Variants in CCDC88A observed in about 807,000 individuals in gnomAD.
CCDC88A encodes the protein girdin.
CCDC88A carries 54 observed loss-of-function variants against 234.3 expected under a neutral mutation model. The ratio of observed to expected loss-of-function variants is 0.23; its 90% confidence interval spans 0.19 to 0.29. CCDC88A has a LOEUF of 0.29. Ranked by LOEUF, CCDC88A falls within the 10% of genes least tolerant of loss-of-function variation. The pLI is 1.00. For missense variants in CCDC88A, 1,832 were observed against 2,123.4 expected, an observed-to-expected ratio of 0.86 and a Z score of 2.70; for synonymous variants, 753 against 737.8, an observed-to-expected ratio of 1.02 and a Z score of -0.33.
At chr2:55,392,776 C>T (rs1383711777) in intron 2 of CCDC88A, among the ~76,000 whole-genome samples, 1 of 152,182 alleles carries the variant, frequency 6.6e-6, no homozygotes, top group Non-Finnish European at 1.5e-5. Context: ...TGTGCCAACA[C>T]CATTTACTAA....
chr2:55,414,975 G>C (rs1681114170), intron 2 of CCDC88A, among the ~76,000 whole-genome samples: 1 of 151,132 alleles, frequency 6.6e-6, no homozygotes, highest in African/African-American at 2.4e-5. Flanking sequence ...CCTGAGGCAG[G>C]AGAATGGCGT....
At chr2:55,345,995 C>G (rs1043028383) in intron 10 of CCDC88A, 180 bp downstream of exon 10, 8 of 458,482 alleles carry the variant, frequency 1.7e-5, no homozygotes, top group Non-Finnish European at 3.1e-5. Context: ...ATCCATAGAT[C>G]CCTTTTGTAA....
In CCDC88A at chr2:55,317,319, C is replaced by T; in HGVS notation, c.3633G>A (p.Gln1211=). 6.5e-7 allele frequency: 1 copy of T among 1,529,298 alleles called. No individual in the cohort carries two copies. Among genetic ancestry groups the T allele is most frequent in the Non-Finnish European group, 8.8e-7 (1 of 1,134,570 alleles). 94.7% of individuals were successfully genotyped at this position (1,529,298 alleles called of 1,614,324 possible). A position where few individuals can be genotyped will look rare whatever the true frequency, so the allele number is the denominator to read the frequency against. Residue 1211 remains glutamine (Q), a synonymous_variant, in exon 21 of 33, where the codon CAG becomes CAA. Transcript: ENST00000436346. This position sits in a 1 kb window ranked among gnomAD's most constrained non-coding sequence, Gnocchi z 4.2. ...RYNQLLKQKG[Q]LEDLEKMLKV... ...TGAGCATTTTTTCCAAATCTTCCAA[C>T]TGTCCTTTCTGTTTTAATAACTGAT...
intron 30 of CCDC88A, 99 bp from the exon 31 acceptor site, chr2:55,296,155 T>C (rs1680000575): frequency 7.7e-7 from 1 of 1,299,012 alleles, no homozygotes; most frequent in African/African-American, 1.6e-5. Context: ...TGGTACCTCT[T>C]AATACTCCTT....
chr2:55,352,437 CACACAAAAAA>C (rs988695076), intron 8 of CCDC88A, among the ~76,000 whole-genome samples: 4 of 127,814 alleles, frequency 3.1e-5, no homozygotes, highest in African/African-American at 6.1e-5. Context: ...AAAAAAAAAA[CACACAAAAAA>C]ACACAAAAAA....
chr2:55,371,823 G>A (rs746773077), intron 5 of CCDC88A, among the ~76,000 whole-genome samples: 12 of 151,904 alleles, frequency 7.9e-5, no homozygotes, highest in Non-Finnish European at 1.2e-4. Context: ...TTTGACTTTC[G>A]CAAGTGTCCC....
At chr2:55,302,591 A>C (rs914218945) in intron 26 of CCDC88A, 2 of 161,056 alleles carry the variant, frequency 1.2e-5, no homozygotes, top group African/African-American at 4.8e-5. Flanking sequence ...GTGATTATGT[A>C]ACTACCCATG....
chr2:55,419,528 AC>A lies in CCDC88A; in HGVS notation c.-450del. 1.4e-4 allele frequency: 23 copies of A among 159,710 alleles called. No homozygotes were observed. The highest frequency in any genetic ancestry group is 6.9e-4 in the South Asian group (4 of 5,796). 9.9% of individuals were successfully genotyped at this position (159,710 alleles called of 1,614,324 possible). A position where few individuals can be genotyped will look rare whatever the true frequency, so the allele number is the denominator to read the frequency against. ...GTTAAGGATACCGAGGCGCCACCAG[AC>A]TCGACCTCGGCGTTCCGACCTCTAC... On this transcript the variant is annotated 5_prime_UTR_variant, in exon 1 of 33. Transcript: ENST00000436346.
At position 55,335,969 on chromosome 2, in the gene CCDC88A, T is replaced by A. The variant is rs991132014; in HGVS notation, c.1656+712A>T. Among the ~76,000 whole-genome samples, 5 of 152,116 alleles carry A rather than the reference T, an allele frequency of 3.3e-5. No individual in the cohort carries two copies. Among genetic ancestry groups the A allele is most frequent in the African/African-American group, 1.2e-4 (5 of 41,492 alleles). ...GCACTTCGGGAGGCTGAGGCAGGAA[T>A]ATCACTTCAGCTCAGGGGTTTGAGA... On this transcript the variant is annotated intron_variant, in intron 14 of 32. Coordinates refer to ENST00000436346, the MANE Select transcript of CCDC88A (RefSeq NM_001365480.1). This position sits in a 1 kb window ranked among gnomAD's most constrained non-coding sequence, Gnocchi z 4.5.
intron 2 of CCDC88A, among the ~76,000 whole-genome samples, chr2:55,392,783 C>T (rs930889695): frequency 6.6e-6 from 1 of 152,176 alleles, no homozygotes; most frequent in Non-Finnish European, 1.5e-5. Context: ...ACACCATTTA[C>T]TAACGAGCTT....
At position 55,335,662 on chromosome 2, in the gene CCDC88A, A is replaced by G. The variant is rs546189328; in HGVS notation, c.1657-498T>C. 6.6e-6 allele frequency among the ~76,000 whole-genome samples: 1 copy of G among 152,322 alleles called. No individual in the cohort carries two copies. The highest frequency in any genetic ancestry group is 2.4e-5 in the African/African-American group (1 of 41,574). ...ATTCCCAAAAAGAATTCTAAGTAGG[A>G]AGCATCAAAATCACAAAAATCACTG... On this transcript the variant is annotated intron_variant, in intron 14 of 32. Coordinates refer to ENST00000436346, the MANE Select transcript of CCDC88A (RefSeq NM_001365480.1). The surrounding 1 kb of genome is among the most constrained non-coding windows in gnomAD (Gnocchi z 4.5).
intron 25 of CCDC88A, among the ~76,000 whole-genome samples, chr2:55,303,802 G>A (rs1681193594): frequency 6.6e-6 from 1 of 152,154 alleles, no homozygotes; most frequent in Non-Finnish European, 1.5e-5. Context: ...CCTTTAAAAT[G>A]AAGGCTACTG....
chr2:55,387,779 C>CAAAAAAAAAAA (rs66479611), intron 3 of CCDC88A, among the ~76,000 whole-genome samples: 12 of 64,832 alleles, frequency 1.9e-4, no homozygotes, highest in East Asian at 7.4e-4. Flanking sequence ...GGCTCCATCT[C>CAAAAAAAAAAA]AAAAAAAAAA....
intron 7 of CCDC88A, among the ~76,000 whole-genome samples, chr2:55,357,927 A>C (rs1386358285): frequency 3.3e-5 from 5 of 152,154 alleles, no homozygotes; most frequent in African/African-American, 1.2e-4. Context: ...TTCTCCAGCA[A>C]ACAAAGCAAT....
chr2:55,413,863 G>A (rs1680914789), intron 2 of CCDC88A, among the ~76,000 whole-genome samples: 1 of 151,838 alleles, frequency 6.6e-6, no homozygotes, highest in Admixed American at 6.6e-5. Context: ...AAGGTGGGAG[G>A]ATAGCTTGAG....
intron 13 of CCDC88A, chr2:55,337,207 A>T (rs1667908809): frequency 6.2e-6 from 1 of 160,540 alleles, no homozygotes; most frequent in South Asian, 1.9e-4. Context: ...GCAGGAGAAG[A>T]TATAAAAAGC....
At chr2:55,292,016 CCT>C (rs58553140) in intron 31 of CCDC88A, 313,323 of 353,222 alleles carry the variant, frequency 0.89, 143,027 homozygotes, top group East Asian at 0.97. Context: ...CATTTCCCCC[CCT>C]CTTAGTGCCA....
chr2:55,401,523 T>C (rs1489826330), intron 2 of CCDC88A, among the ~76,000 whole-genome samples: 21 of 75,730 alleles, frequency 2.8e-4, no homozygotes, highest in African/African-American at 7.8e-4. Context: ...TATATATATA[T>C]ATATATATAT....
Position 55,384,571 on chromosome 2 carries a change from G to GTATA in CCDC88A, c.273+4203_273+4206dup, listed in dbSNP as rs1426790070. On this transcript the variant is annotated intron_variant, in intron 3 of 32. Transcript: ENST00000436346. ...TATGTGTATATATACACATATATAC[G>GTATA]TATATATGTGTATATATACACATAT... Among the ~76,000 whole-genome samples the GTATA allele has an allele frequency of 3.4e-5, 3 of 87,512 alleles. 1 individual carries two copies. Among genetic ancestry groups the GTATA allele is most frequent in the African/African-American group, 1.4e-4 (3 of 22,024 alleles). The allele number at this position is 87,512 out of a possible 152,430, so 57.4% of individuals were successfully genotyped here. A position where few individuals can be genotyped will look rare whatever the true frequency, so the allele number is the denominator to read the frequency against.
Sources: gnomAD v4.1 joint callset for allele counts (sites outside exome capture counted in the v4.1 genomes callset) on GRCh38, gnomAD v4.1.1 for gene constraint, Gnocchi (gnomAD v3.1) non-coding constraint, MANE v1.5 for transcripts, NCBI Gene and HGNC (gene_info 2026-07-23, HGNC 2026-07-21) for gene names.